Variants in ACRBP observed in about 807,000 individuals in gnomAD.
ACRBP encodes acrosin binding protein, also known as acrosin-binding protein.
Under a neutral mutation model 69.0 loss-of-function variants are expected in ACRBP, and 52 were observed. The observed-to-expected ratio is 0.75, with a 90% CI of 0.60 to 0.95. ACRBP has a LOEUF of 0.95. ACRBP is among the 40% of genes least tolerant of loss of function. The pLI is 0.00. For missense variants in ACRBP, 604 were observed against 673.0 expected, an observed-to-expected ratio of 0.90 and a Z score of 1.13; for synonymous variants, 267 against 258.9, an observed-to-expected ratio of 1.03 and a Z score of -0.30.
Position 6,638,292 on chromosome 12 carries a change from T to G in ACRBP, c.1622A>C (p.Gln541Pro). 6.2e-7 allele frequency: 1 copy of G among 1,614,116 alleles called. No homozygotes were observed. Among genetic ancestry groups the G allele is most frequent in the Non-Finnish European group, 8.5e-7 (1 of 1,179,984 alleles). ...AGAATAGACGCCAGCTCATCCGAAC[T>G]GGCCTAGAGTCAAGGTGCTGAACTC... ...SQEFSTLTLG[Q>P]FG Residue 541 changes from glutamine to proline, a missense_variant, in exon 10 of 10, where the codon CAG becomes CCG. Coordinates refer to ENST00000229243, the MANE Select transcript of ACRBP (RefSeq NM_032489.3).
intron 4 of ACRBP, 49 bp from the exon 5 acceptor site, chr12:6,644,654 C>A: frequency 8.4e-6 from 13 of 1,546,754 alleles, no homozygotes; most frequent in Non-Finnish European, 1.1e-5. Context: ...GGCTTCTAGC[C>A]CCTGAGTGTC....
intron 9 of ACRBP, 170 bp downstream of exon 9, chr12:6,638,784 G>T: frequency 6.8e-7 from 1 of 1,464,394 alleles, no homozygotes. Context: ...CTTCCGCCAG[G>T]ACTGGAGGAA....
rs1235038099 is a variant in ACRBP at position 6,646,852 on chromosome 12, G to A, written c.204C>T (p.Cys68=). ...TTCRLRATHG[C]RNPTLVQLDQ... The stretch of plus-strand genomic sequence containing the variant: ...CCAGCTGGACGAGTGTGGGATTCCG[G>A]CAGCCGTGGGTTGCACGGAGACGGC... Residue 68 remains cysteine, a synonymous_variant, in exon 2 of 10, where the codon TGC becomes TGT. Coordinates refer to ENST00000229243, the MANE Select transcript of ACRBP (RefSeq NM_032489.3). 2.5e-6 allele frequency: 4 copies of A among 1,614,022 alleles called. No homozygotes were observed. The highest frequency in any genetic ancestry group is 1.3e-5 in the African/African-American group (1 of 74,928).
At chr12:6,645,423 G>A in intron 3 of ACRBP, 86 bp from the exon 4 acceptor site, 1 of 1,031,196 alleles carries the variant, frequency 9.7e-7, no homozygotes, top group Non-Finnish European at 1.5e-6. Flanking sequence ...TTTCCAGCAT[G>A]TCTTATCTCT....
Position 6,644,341 on chromosome 12 carries a change from T to C in ACRBP, c.740A>G (p.Gln247Arg). ...CTTGGGCTCTGAGTCTGTCTGCAGC[T>C]GAGACACAGCCTCCCGTCCCTCCTT... ...GTKEGREAVS[Q>R]LQTDSEPKFH... Residue 247 changes from glutamine to arginine, a missense_variant, in exon 5 of 10, where the codon CAG becomes CGG. By Grantham distance (43) the Gln-to-Arg change is conservative (BLOSUM62 1). Around this residue, in one of 3 missense-constraint regions of ACRBP, gnomAD observed 532 missense variants for 562.9 expected, o/e 0.95. Transcript: ENST00000229243. 4 of 1,614,176 alleles carry C rather than the reference T, an allele frequency of 2.5e-6. No homozygotes were observed. The highest frequency in any genetic ancestry group is 3.4e-6 in the Non-Finnish European group (4 of 1,180,022).
At chr12:6,643,815 A>G (rs1949069790) in intron 5 of ACRBP, 144 bp from the exon 6 acceptor site, 1 of 1,217,320 alleles carries the variant, frequency 8.2e-7, no homozygotes, top group Non-Finnish European at 1.1e-6. Context: ...GCCTCTGGAC[A>G]AATCGCCTCA....
rs1366108892 is a variant in ACRBP, at chr12:6,638,262, T to C, written c.*20A>G. 6.2e-6 allele frequency: 10 copies of C among 1,611,474 alleles called. No homozygotes were observed. Among genetic ancestry groups the C allele is most frequent in the Non-Finnish European group, 8.5e-6 (10 of 1,178,138 alleles). On this transcript the variant is annotated 3_prime_UTR_variant, in exon 10 of 10. Transcript: ENST00000229243. ...AACGTGGGCAGGTTGGGCTGGGGTG[T>C]GGGCAGAATAGACGCCAGCTCATCC...
Position 6,646,981 on chromosome 12 carries a change from G to T in ACRBP, c.75C>A (p.Ala25=). The change falls in exon 2 of 10, where the codon GCC becomes GCA. Residue 25 remains alanine, a synonymous_variant. Coordinates refer to ENST00000229243, the MANE Select transcript of ACRBP (RefSeq NM_032489.3). ...GAGTGGAGGCCTGAGTCGAATCCTG[G>T]GCTGCGGCAGGTGCCAGAGGCAGGA... ...VLLLPLAPAA[A]QDSTQASTPG... The T allele has an allele frequency of 6.2e-7, 1 of 1,611,858 alleles. No individual in the cohort carries two copies.
At chr12:6,645,809 T>C (rs1201848881) in intron 3 of ACRBP, among the ~76,000 whole-genome samples, 224 of 137,674 alleles carry the variant, frequency 1.6e-3, no homozygotes, top group East Asian at 6.7e-4. Flanking sequence ...TACAGGCGCC[T>C]GCCACCACGC....
chr12:6,644,753 A>C (rs1949076394), intron 4 of ACRBP, 148 bp from the exon 5 acceptor site: 2 of 1,312,576 alleles, frequency 1.5e-6, no homozygotes, highest in East Asian at 5.1e-5. Flanking sequence ...ATAAGTATTA[A>C]ACTAAAAGAA....
chr12:6,644,717 A>G (rs1949076127), intron 4 of ACRBP, 112 bp from the exon 5 acceptor site: 7 of 1,447,878 alleles, frequency 4.8e-6, no homozygotes, highest in African/African-American at 1.4e-5. Flanking sequence ...TCACACTTAT[A>G]CACACAGAAA....
chr12:6,644,438 C>T lies in ACRBP; in HGVS notation c.643G>A (p.Glu215Lys). 6.2e-7 allele frequency: 1 copy of T among 1,614,112 alleles called. No individual in the cohort carries two copies. The highest frequency in any genetic ancestry group is 8.5e-7 in the Non-Finnish European group (1 of 1,180,026). The change falls in exon 5 of 10, where the codon GAG (glutamate) becomes AAG (lysine). Residue 215 changes from glutamate (E) to lysine (K), a missense_variant. By Grantham distance (56) the Glu-to-Lys change is moderately conservative (BLOSUM62 1). This residue lies in a region of ACRBP where 532 missense variants were observed against 562.9 expected (regional missense o/e 0.95). Transcript: ENST00000229243. ...TCTTGCTCTTCCTGTTTCTGCCCCT[C>T]TTCCTGCTTGTGTTCTTGTGTCGGC... ...QEPTQEHKQE[E>K]GQKQEEQEEE...
Position 6,646,942 on chromosome 12 carries a change from G to C in ACRBP, c.114C>G (p.Leu38=), listed in dbSNP as rs1235776847. The change falls in exon 2 of 10, where the codon CTC becomes CTG. Residue 38 remains leucine, a synonymous_variant. Coordinates refer to ENST00000229243, the MANE Select transcript of ACRBP (RefSeq NM_032489.3). ...AGAAGCGTTCGTATTCGGTAGGAGAGAGAGGGCTGCCTGGAGTGGAGGCCT... is the reference window on the plus strand; with the variant it reads ...AGAAGCGTTCGTATTCGGTAGGAGACAGAGGGCTGCCTGGAGTGGAGGCCT... ...STQASTPGSP[L]SPTEYERFFA... is the part of the protein sequence containing the mutation. 2 of 1,613,738 alleles carry C rather than the reference G, an allele frequency of 1.2e-6. No homozygotes were observed. The highest frequency in any genetic ancestry group is 1.6e-4 in the Middle Eastern group (1 of 6,080).
chr12:6,647,072 G>T, intron 1 of ACRBP, 60 bp from the exon 2 acceptor site: 1 of 1,488,260 alleles, frequency 6.7e-7, no homozygotes, highest in Non-Finnish European at 9.2e-7. Context: ...TCCGAGACCA[G>T]GACAGACAGA....
chr12:6,645,296 G>A lies in ACRBP; in HGVS notation c.399C>T (p.Asn133=). The part of the protein sequence containing the change: ...CSQPVSILSP[N]TLKEIEASAE... ...CTGAAGCTTCTATCTCCTTGAGAGT[G>A]TTAGGTGAGAGAATAGAGACTGGCT... Residue 133 remains asparagine (N), a synonymous_variant, in exon 4 of 10, where the codon AAC becomes AAT. Coordinates refer to ENST00000229243, the MANE Select transcript of ACRBP (RefSeq NM_032489.3). 6.2e-7 allele frequency: 1 copy of A among 1,613,852 alleles called. No homozygotes were observed. The highest frequency in any genetic ancestry group is 8.5e-7 in the Non-Finnish European group (1 of 1,179,912).
Position 6,643,677 on chromosome 12 carries a change from A to T in ACRBP, c.945-6T>A, listed in dbSNP as rs1374927742. 1 of 1,613,560 alleles carries T rather than the reference A, an allele frequency of 6.2e-7. No homozygotes were observed. The highest frequency in any genetic ancestry group is 2.2e-5 in the East Asian group (1 of 44,886). Reference sequence around the variant, plus strand: ...TGTGGGGCAGCTGCAGGAGGCTGCAAGAAGACAGCACTGAGGGTGGGGCTG... The same window carrying T: ...TGTGGGGCAGCTGCAGGAGGCTGCATGAAGACAGCACTGAGGGTGGGGCTG... On this transcript the variant is annotated splice_polypyrimidine_tract_variant and splice_region_variant and intron_variant, in intron 5 of 9. Transcript: ENST00000229243.
At chr12:6,646,407 C>G (rs1031230120) in intron 3 of ACRBP, 76 bp downstream of exon 3, 1 of 1,373,302 alleles carries the variant, frequency 7.3e-7, no homozygotes, top group Non-Finnish European at 1.0e-6. Context: ...TCCTGGAACC[C>G]TTCCTCAACT....
Position 6,638,403 on chromosome 12 carries a change from A to G in ACRBP, c.1511T>C (p.Val504Ala). Residue 504 changes from valine to alanine, a missense_variant and splice_region_variant, in exon 10 of 10, where the codon GTG becomes GCG. Physicochemically the swap from Val to Ala is moderately conservative, Grantham distance 64. Coordinates refer to ENST00000229243, the MANE Select transcript of ACRBP (RefSeq NM_032489.3). ...ATTCTGCAGACATCTCATGCGGGAC[A>G]CCTACACAGAGATTCAGTGCAGACG... ...QCLMRNRNRK[V>A]SRMRCLQNET... 6.2e-7 allele frequency: 1 copy of G among 1,613,972 alleles called. No individual in the cohort carries two copies. The highest frequency in any genetic ancestry group is 8.5e-7 in the Non-Finnish European group (1 of 1,179,998).
At chr12:6,642,042 C>T (rs1490703363) in intron 6 of ACRBP, among the ~76,000 whole-genome samples, 1 of 152,180 alleles carries the variant, frequency 6.6e-6, no homozygotes, top group Non-Finnish European at 1.5e-5. Flanking sequence ...TGGAAGCACC[C>T]TCTGATCCTC....
Sources: gnomAD v4.1 joint callset for allele counts (sites outside exome capture counted in the v4.1 genomes callset) on GRCh38, gnomAD v4.1.1 for gene constraint, gnomAD v4.1.1 regional missense constraint, MANE v1.5 for transcripts, NCBI Gene and HGNC (gene_info 2026-07-23, HGNC 2026-07-21) for gene names.